POPDC1: variants seen among roughly 807,000 people sequenced by gnomAD.
POPDC1 encodes popeye domain-containing protein 1.
the POPDC1 span, among the ~76,000 whole-genome samples, chr6:105,127,495 T>C: frequency 1.8e-4 from 28 of 152,154 alleles, 1 homozygote; most frequent in Admixed American, 1.8e-3. Context: ...CTCTGTTGCC[T>C]GTGCTGGAGT....
the POPDC1 span, among the ~76,000 whole-genome samples, chr6:105,123,847 T>C: frequency 6.6e-6 from 1 of 152,224 alleles, no homozygotes; most frequent in South Asian, 2.1e-4. Context: ...ACAAAATAAA[T>C]TCCCTAAGGC....
chr6:105,103,219 G>T, the POPDC1 span, among the ~76,000 whole-genome samples: 1 of 152,148 alleles, frequency 6.6e-6, no homozygotes, highest in South Asian at 2.1e-4. Context: ...TTGTTATAAG[G>T]ATAAAACAAC....
the POPDC1 span, among the ~76,000 whole-genome samples, chr6:105,114,522 G>A: frequency 2.4e-3 from 372 of 152,230 alleles, 11 homozygotes; most frequent in East Asian, 0.054. Flanking sequence ...TGTTGAATGT[G>A]TTTGCATTTT....
At chr6:105,104,262 G>A in the POPDC1 span, among the ~76,000 whole-genome samples, 2 of 152,036 alleles carry the variant, frequency 1.3e-5, no homozygotes, top group Non-Finnish European at 2.9e-5. Flanking sequence ...GACTCCTGTG[G>A]GAAGATTCTA....
chr6:105,100,594 G>C, the POPDC1 span: 1 of 148,418 alleles, frequency 6.7e-6, no homozygotes, highest in East Asian at 2.0e-4. Context: ...GTGTGTGTGT[G>C]TGTGTGTGTG....
At chr6:105,117,016 C>T in the POPDC1 span, 1 of 785,264 alleles carries the variant, frequency 1.3e-6, no homozygotes, top group Non-Finnish European at 2.0e-6. Context: ...TCAATGCACA[C>T]AAGCTTCTAC....
At chr6:105,127,483 C>T in the POPDC1 span, among the ~76,000 whole-genome samples, 2 of 152,218 alleles carry the variant, frequency 1.3e-5, no homozygotes, top group Admixed American at 6.5e-5. Context: ...AGATGGAGCT[C>T]GCTCTGTTGC....
chr6:105,107,781 A>C, the POPDC1 span, among the ~76,000 whole-genome samples: 5 of 152,194 alleles, frequency 3.3e-5, no homozygotes, highest in East Asian at 9.6e-4. Flanking sequence ...ATTTTTGAAG[A>C]ATGGGAATGT....
chr6:105,107,419 T>C, the POPDC1 span, among the ~76,000 whole-genome samples: 1 of 152,206 alleles, frequency 6.6e-6, no homozygotes, highest in African/African-American at 2.4e-5. Context: ...TCCTAGGAAG[T>C]AAAAGTAAAC....
At chr6:105,101,096 A>G in the POPDC1 span, 1 of 1,610,452 alleles carries the variant, frequency 6.2e-7, no homozygotes, top group African/African-American at 1.3e-5. Context: ...TGATCAAGGC[A>G]GCTGATGGAC....
chr6:105,125,456 G>A, the POPDC1 span: 6 of 1,614,160 alleles, frequency 3.7e-6, no homozygotes, highest in Non-Finnish European at 5.1e-6. Flanking sequence ...CATAAGTTTG[G>A]CCCTTTTTCA....
chr6:105,099,565 T>C, the POPDC1 span: 7 of 152,234 alleles, frequency 4.6e-5, no homozygotes, highest in Non-Finnish European at 1.0e-4. Context: ...ACAGCCACGC[T>C]GGCCAGACAC....
the POPDC1 span, chr6:105,101,171 G>A: frequency 7.4e-6 from 12 of 1,613,118 alleles, no homozygotes; most frequent in Admixed American, 1.7e-5. Context: ...TTCTTCTATC[G>A]GTTTCATCTT....
chr6:105,112,973 C>G, the POPDC1 span, among the ~76,000 whole-genome samples: 1 of 151,882 alleles, frequency 6.6e-6, no homozygotes, highest in Non-Finnish European at 1.5e-5. Context: ...CTCTATCACC[C>G]AGGCTTCCGT....
chr6:105,115,718 A>G, the POPDC1 span: 1 of 1,614,116 alleles, frequency 6.2e-7, no homozygotes. Context: ...ACCCCGAAGA[A>G]ACTGGTGCAA....
the POPDC1 span, among the ~76,000 whole-genome samples, chr6:105,135,858 TAAC>T: frequency 2.0e-5 from 3 of 152,204 alleles, no homozygotes; most frequent in Admixed American, 1.3e-4. Context: ...GGCTTACACT[TAAC>T]AATTCTTATA....
At chr6:105,105,981 G>C in the POPDC1 span, among the ~76,000 whole-genome samples, 1 of 152,110 alleles carries the variant, frequency 6.6e-6, no homozygotes, top group African/African-American at 2.4e-5. Context: ...AAATTTCCCA[G>C]AAAATTGATT....
the POPDC1 span, among the ~76,000 whole-genome samples, chr6:105,124,226 C>CA: frequency 6.6e-6 from 1 of 151,674 alleles, no homozygotes; most frequent in South Asian, 2.1e-4. Context: ...ACTAAAAATA[C>CA]AAAAAATTAG....
At chr6:105,105,292 C>T in the POPDC1 span, among the ~76,000 whole-genome samples, 3 of 152,314 alleles carry the variant, frequency 2.0e-5, 1 homozygote, top group Admixed American at 2.0e-4. Context: ...CAGGGACTAC[C>T]TGGTGCCAGC....
Sources: allele counts gnomAD v4.1 joint callset (sites outside exome capture counted in the v4.1 genomes callset), GRCh38; gene constraint gnomAD v4.1.1; transcripts MANE v1.5; gene names NCBI Gene and HGNC (gene_info 2026-07-23, HGNC 2026-07-21).